The following WDR7 variants were observed in gnomAD, a reference collection of about 807,000 sequenced individuals.
WDR7 encodes the protein WD repeat-containing protein 7.
In WDR7, 46 loss-of-function variants were observed where a neutral mutation model predicts 169.4. That is an observed-to-expected ratio of 0.27 (90% confidence interval 0.21 to 0.35). WDR7 has a LOEUF of 0.35. Ranked by LOEUF, WDR7 falls within the 10% of genes least tolerant of loss-of-function variation. WDR7 has a pLI of 1.00. For synonymous variants in WDR7, 612 were observed against 666.8 expected (o/e 0.92, Z 1.27); for missense variants, 1,534 against 1,859.3 (o/e 0.83, Z 3.22).
intron 22 of WDR7, among the ~76,000 whole-genome samples, chr18:56,931,343 C>T (rs1056029238): frequency 6.6e-5 from 10 of 152,204 alleles, no homozygotes; most frequent in African/African-American, 2.2e-4. Flanking sequence ...ATATATCACA[C>T]AGACAATGCA....
intron 1 of WDR7, among the ~76,000 whole-genome samples, chr18:56,660,603 TGC>T (rs1292939046): frequency 1.3e-5 from 2 of 151,244 alleles, no homozygotes; most frequent in African/African-American, 4.9e-5. Context: ...GAGGGAGTGT[TGC>T]CAGAGAAGAG....
At chr18:56,995,820 G>C (rs540970225) in intron 26 of WDR7, among the ~76,000 whole-genome samples, 1 of 152,152 alleles carries the variant, frequency 6.6e-6, no homozygotes, top group Non-Finnish European at 1.5e-5. Flanking sequence ...TCTGAGCTTG[G>C]TGTGATGTGT....
At chr18:56,704,736 T>C (rs949769860) in intron 12 of WDR7, among the ~76,000 whole-genome samples, 14 of 152,190 alleles carry the variant, frequency 9.2e-5, no homozygotes, top group Admixed American at 4.6e-4. Context: ...TGTGCTGATA[T>C]CATGCCAAAC....
chr18:56,876,155 GATAAA>G (rs1191464980), intron 20 of WDR7, among the ~76,000 whole-genome samples: 2 of 151,996 alleles, frequency 1.3e-5, no homozygotes, highest in Non-Finnish European at 2.9e-5. Flanking sequence ...AAAACAAATA[GATAAA>G]ATAAAACAAA....
chr18:56,693,410 G>A (rs1761275580), intron 9 of WDR7, among the ~76,000 whole-genome samples: 1 of 152,088 alleles, frequency 6.6e-6, no homozygotes, highest in South Asian at 2.1e-4. Flanking sequence ...AATGGTTTTT[G>A]TTCCTGGTAG....
intron 21 of WDR7, among the ~76,000 whole-genome samples, chr18:56,884,133 G>A (rs1415990223): frequency 3.3e-5 from 5 of 152,120 alleles, no homozygotes; most frequent in Non-Finnish European, 7.4e-5. Flanking sequence ...CCCAACAATG[G>A]TGTAAAAGCG....
chr18:57,006,364 G>A (rs1308528389), intron 26 of WDR7, among the ~76,000 whole-genome samples: 1 of 151,770 alleles, frequency 6.6e-6, no homozygotes, highest in Non-Finnish European at 1.5e-5. Context: ...GCTTGTCAGT[G>A]GTAGTGCAAC....
At position 56,956,015 on chromosome 18, in the gene WDR7, C is replaced by T. The variant is rs527788667; in HGVS notation, c.4065-6415C>T. Among the ~76,000 whole-genome samples, 10 of 152,248 alleles carry T rather than the reference C, an allele frequency of 6.6e-5. No homozygotes were observed. In the South Asian group the frequency reaches 1.2e-3, roughly 19 times the overall value. Reference sequence around the variant, plus strand: ...GAAACATTTTTGATCTTGCTTGTAACATGCCAGCTACAGTGTGCTTGTGGC... The same window carrying T: ...GAAACATTTTTGATCTTGCTTGTAATATGCCAGCTACAGTGTGCTTGTGGC... On this transcript the variant is annotated intron_variant, in intron 25 of 27. Transcript: ENST00000254442.
intron 14 of WDR7, among the ~76,000 whole-genome samples, chr18:56,754,265 GTGTGTGTGTGTGTGTGTGTGTATA>G (rs1194010790): frequency 2.0e-5 from 3 of 148,864 alleles, no homozygotes; most frequent in South Asian, 2.1e-4. Context: ...GTGTGTGTGT[GTGTGTGTGTGTGTGTGTGTGTATA>G]TGTGTGTGTG....
At chr18:57,024,848 CCTT>C in intron 27 of WDR7, among the ~76,000 whole-genome samples, 1 of 99,884 alleles carries the variant, frequency 1.0e-5, no homozygotes, top group Non-Finnish European at 2.1e-5. Context: ...TAGTTATGTC[CCTT>C]ACAGGATTTC....
chr18:56,730,322 G>A (rs1173271068), intron 13 of WDR7, among the ~76,000 whole-genome samples: 1 of 152,214 alleles, frequency 6.6e-6, no homozygotes, highest in African/African-American at 2.4e-5. Flanking sequence ...AAGATGGCCA[G>A]AGAATAACTC....
chr18:56,737,861 T>C (rs980440379), intron 14 of WDR7, among the ~76,000 whole-genome samples: 8 of 152,194 alleles, frequency 5.3e-5, no homozygotes, highest in African/African-American at 1.7e-4. Context: ...AGAATTCTTA[T>C]GATATGTATG....
At chr18:56,956,863 A>G (rs2047257780) in intron 25 of WDR7, among the ~76,000 whole-genome samples, 1 of 152,156 alleles carries the variant, frequency 6.6e-6, no homozygotes, top group Non-Finnish European at 1.5e-5. Flanking sequence ...CTAAAAAGTC[A>G]CTTTGTGTAA....
intron 1 of WDR7, among the ~76,000 whole-genome samples, chr18:56,660,477 C>A (rs1237644695): frequency 2.6e-5 from 4 of 151,318 alleles, no homozygotes; most frequent in Non-Finnish European, 4.4e-5. Flanking sequence ...ATACAAATAT[C>A]CCCAAATTTG....
intron 22 of WDR7, among the ~76,000 whole-genome samples, chr18:56,925,695 A>G (rs2046797437): frequency 1.3e-5 from 2 of 152,176 alleles, no homozygotes; most frequent in Non-Finnish European, 2.9e-5. Flanking sequence ...GAAGCAATTG[A>G]AGGCTAGAAT....
rs908957082 is a variant in WDR7, at chr18:57,027,885, T to C, written c.*678T>C. ...ATAGTTTTCCAGACACTTAGCCTTCTGAAGTGCTCATCTCTTGCTTAAATG... is the reference window on the plus strand; with the variant it reads ...ATAGTTTTCCAGACACTTAGCCTTCCGAAGTGCTCATCTCTTGCTTAAATG... On this transcript the variant is annotated 3_prime_UTR_variant, in exon 28 of 28. Coordinates refer to ENST00000254442, the MANE Select transcript of WDR7 (RefSeq NM_015285.3). The C allele has an allele frequency of 1.3e-5, 2 of 152,354 alleles. No homozygotes were observed. Among genetic ancestry groups the C allele is most frequent in the Admixed American group, 1.3e-4 (2 of 15,292 alleles). The allele number at this position is 152,354 out of a possible 1,614,324, so 9.4% of individuals were successfully genotyped here.
intron 20 of WDR7, among the ~76,000 whole-genome samples, chr18:56,827,202 C>T (rs2045221612): frequency 6.6e-6 from 1 of 152,164 alleles, no homozygotes; most frequent in South Asian, 2.1e-4. Context: ...GTAAGGACAG[C>T]TTCCTTACTT....
chr18:56,863,357 A>G (rs564909592), intron 20 of WDR7, among the ~76,000 whole-genome samples: 2 of 151,852 alleles, frequency 1.3e-5, no homozygotes, highest in Admixed American at 6.6e-5. Flanking sequence ...TTCTGTAGTG[A>G]GTAAGAGATT....
intron 26 of WDR7, among the ~76,000 whole-genome samples, chr18:56,988,624 TGTGTG>T (rs2047761833): frequency 6.6e-6 from 1 of 150,652 alleles, no homozygotes; most frequent in African/African-American, 2.4e-5. Context: ...TGTGTGTGTG[TGTGTG>T]TGTGTGTATA....
Sources: allele counts gnomAD v4.1 joint callset (sites outside exome capture counted in the v4.1 genomes callset), GRCh38; gene constraint gnomAD v4.1.1; transcripts MANE v1.5; gene names NCBI Gene and HGNC (gene_info 2026-07-23, HGNC 2026-07-21).